USP13: variants seen among roughly 807,000 people sequenced by gnomAD.
USP13 encodes ubiquitin carboxyl-terminal hydrolase 13.
USP13 carries 68 observed loss-of-function variants against 107.8 expected under a neutral mutation model. The ratio of observed to expected loss-of-function variants is 0.63; its 90% CI spans 0.52 to 0.77. USP13 has a LOEUF of 0.77. USP13 is among the 30% of genes least tolerant of loss of function. USP13 has a pLI of 0.00. For missense variants in USP13, 945 were observed against 1,093.3 expected (o/e 0.86, Z 1.91); for synonymous variants, 377 against 389.5 (o/e 0.97, Z 0.38).
chr3:179,714,401 G>C (rs1359777463), intron 6 of USP13, among the ~76,000 whole-genome samples: 1 of 152,208 alleles, frequency 6.6e-6, no homozygotes, highest in Non-Finnish European at 1.5e-5. Flanking sequence ...GTTTTGGCCT[G>C]GCCTCGGCCC....
chr3:179,708,665 C>T (rs948012931), intron 5 of USP13, 108 bp from the exon 6 acceptor site: 1 of 1,337,050 alleles, frequency 7.5e-7, no homozygotes, highest in South Asian at 1.3e-5. Flanking sequence ...TCTGTTATTC[C>T]ACTGAGCCTT....
chr3:179,754,881 C>G, intron 15 of USP13, 27 bp downstream of exon 15: 1 of 1,597,456 alleles, frequency 6.3e-7, no homozygotes, highest in South Asian at 1.1e-5. Context: ...GGAGAATATG[C>G]GCTACCCTCC....
At chr3:179,658,460 A>G (rs1720355507) in intron 1 of USP13, among the ~76,000 whole-genome samples, 1 of 152,138 alleles carries the variant, frequency 6.6e-6, no homozygotes, top group African/African-American at 2.4e-5. Flanking sequence ...CTGCATTGTA[A>G]GTGGAGCTGT....
At position 179,781,758 on chromosome 3, in the gene USP13, C is replaced by A; in HGVS notation, c.2433C>A (p.Phe811Leu). 6.2e-7 allele frequency: 1 copy of A among 1,613,976 alleles called. No individual in the cohort carries two copies. Among genetic ancestry groups the A allele is most frequent in the Non-Finnish European group, 8.5e-7 (1 of 1,179,932 alleles). Residue 811 changes from phenylalanine (F) to leucine (L), a missense_variant, in exon 20 of 21, where the codon TTC (phenylalanine) becomes TTA (leucine). Phe to Leu is a conservative substitution (Grantham distance 22). Transcript: ENST00000263966. Reference protein sequence around the residue: ...DGSGTYELFAFISHMGTSTMS... With the variant: ...DGSGTYELFALISHMGTSTMS... ...TCACAGCATATGAGCTATTTGCATT[C>A]ATCAGTCACATGGGAACATCCACAA...
chr3:179,671,844 G>T (rs1443274603), intron 1 of USP13, among the ~76,000 whole-genome samples: 2 of 152,154 alleles, frequency 1.3e-5, no homozygotes, highest in East Asian at 3.8e-4. Context: ...TCTTCCCGCG[G>T]TGTTAGTATG....
chr3:179,660,544 G>A (rs1302855162), intron 1 of USP13, among the ~76,000 whole-genome samples: 2 of 152,142 alleles, frequency 1.3e-5, no homozygotes, highest in East Asian at 1.9e-4. Flanking sequence ...AATGGACATC[G>A]GGTTGTTTCT....
At chr3:179,781,621 T>A in intron 19 of USP13, 118 bp from the exon 20 acceptor site, 1 of 815,820 alleles carries the variant, frequency 1.2e-6, no homozygotes, top group Non-Finnish European at 2.0e-6. Context: ...TAAATAGACC[T>A]TGTCTTTCAA....
intron 10 of USP13, among the ~76,000 whole-genome samples, chr3:179,737,840 C>T (rs983844273): frequency 1.3e-5 from 2 of 152,198 alleles, no homozygotes; most frequent in African/African-American, 4.8e-5. Context: ...TCCTAGAAGG[C>T]AGAATCTCCA....
chr3:179,746,208 AAATGT>A (rs943836586), intron 13 of USP13, among the ~76,000 whole-genome samples: 8 of 147,180 alleles, frequency 5.4e-5, no homozygotes, highest in Non-Finnish European at 1.0e-4. Context: ...TTTATATATA[AAATGT>A]ATATATATAA....
chr3:179,727,918 T>C (rs868356273), intron 8 of USP13, among the ~76,000 whole-genome samples: 335 of 32,900 alleles, frequency 0.01, 2 homozygotes, highest in East Asian at 0.047. Context: ...GCTGGCCAGG[T>C]GGGGGGCTGA....
chr3:179,720,017 A>G lies in USP13; in HGVS notation c.883A>G (p.Met295Val). The G allele has an allele frequency of 6.2e-7, 1 of 1,613,890 alleles. No homozygotes were observed. The highest frequency in any genetic ancestry group is 8.5e-7 in the Non-Finnish European group (1 of 1,179,868). ...GCACTTAGCGCATTTTGGAATTGAT[A>G]TGCTTCATATGCATGGGGTGAGGTC... Reference protein sequence around the residue: ...AKHLAHFGIDMLHMHGTENGL... With the variant: ...AKHLAHFGIDVLHMHGTENGL... Residue 295 changes from methionine to valine, a missense_variant, in exon 7 of 21, where the codon ATG becomes GTG. Coordinates refer to ENST00000263966, the MANE Select transcript of USP13 (RefSeq NM_003940.3).
chr3:179,690,033 T>G (rs376714446), intron 2 of USP13, among the ~76,000 whole-genome samples: 146 of 152,282 alleles, frequency 9.6e-4, no homozygotes, highest in African/African-American at 3.3e-3. Flanking sequence ...CTTTATAATT[T>G]AATAAAAATA....
chr3:179,738,333 A>G (rs1005278866), intron 10 of USP13, among the ~76,000 whole-genome samples: 4 of 152,216 alleles, frequency 2.6e-5, no homozygotes, highest in African/African-American at 9.7e-5. Context: ...CTCAAATGAC[A>G]AGGTGAGGTT....
At chr3:179,696,593 A>C (rs1712336345) in intron 3 of USP13, among the ~76,000 whole-genome samples, 1 of 152,064 alleles carries the variant, frequency 6.6e-6, no homozygotes, top group Non-Finnish European at 1.5e-5. Context: ...TGGCCTCCTA[A>C]AGTGCTGGGA....
intron 16 of USP13, among the ~76,000 whole-genome samples, chr3:179,759,753 A>G (rs898236515): frequency 3.9e-5 from 6 of 152,110 alleles, no homozygotes; most frequent in African/African-American, 1.4e-4. Context: ...AGCCCACTGC[A>G]ACCTCTGCCT....
intron 6 of USP13, among the ~76,000 whole-genome samples, chr3:179,716,431 A>C (rs1446873745): frequency 6.6e-6 from 1 of 152,160 alleles, no homozygotes; most frequent in East Asian, 1.9e-4. Context: ...ATTAAACTTT[A>C]AACTTATGAG....
In USP13 at chr3:179,730,785, C is replaced by G. The variant is rs527436685; in HGVS notation, c.1254+76C>G. On this transcript the variant is annotated intron_variant, in intron 10 of 20. Coordinates refer to ENST00000263966, the MANE Select transcript of USP13 (RefSeq NM_003940.3). ...AGAATGTGGGTTTCCTATGATTTGG[C>G]ACATGGTGGCCATAAATTTAGCAAG... The G allele has an allele frequency of 6.1e-4, 828 of 1,350,626 alleles. 12 individuals are homozygous for G. In the South Asian group the frequency reaches 9.5e-3, roughly 16 times the overall value. 83.7% of individuals were successfully genotyped at this position (1,350,626 alleles called of 1,614,324 possible).
intron 6 of USP13, among the ~76,000 whole-genome samples, chr3:179,719,547 C>G (rs981426069): frequency 6.6e-6 from 1 of 151,978 alleles, no homozygotes; most frequent in Non-Finnish European, 1.5e-5. Context: ...CCTGCCGTGG[C>G]GGATGGCCGT....
At chr3:179,779,361 G>A (rs1458315029) in intron 19 of USP13, among the ~76,000 whole-genome samples, 1 of 152,012 alleles carries the variant, frequency 6.6e-6, no homozygotes, top group Non-Finnish European at 1.5e-5. Context: ...GTGAAACCCT[G>A]TCTCTACTAA....
Sources: gnomAD v4.1 joint callset for allele counts (sites outside exome capture counted in the v4.1 genomes callset) on GRCh38, gnomAD v4.1.1 for gene constraint, MANE v1.5 for transcripts, NCBI Gene and HGNC (gene_info 2026-07-23, HGNC 2026-07-21) for gene names.